The following CYP26B1 variants were observed in gnomAD, a reference collection of about 807,000 sequenced individuals.
The protein encoded by CYP26B1 is cytochrome P450 26B1.
In CYP26B1, 8 loss-of-function variants were observed where a neutral mutation model predicts 39.1. That is an observed-to-expected ratio of 0.20 (90% CI 0.12 to 0.37). The LOEUF is 0.37. Among genes scored for constraint, CYP26B1 ranks in the 10% least tolerant of loss-of-function variants. CYP26B1 has a pLI of 1.00. For synonymous variants in CYP26B1, 321 were observed against 314.3 expected (o/e 1.02, Z -0.23); for missense variants, 615 against 707.0 (o/e 0.87, Z 1.48).
At chr2:72,138,537 G>C (rs532668302) in intron 2 of CYP26B1, among the ~76,000 whole-genome samples, 23 of 152,312 alleles carry the variant, frequency 1.5e-4, no homozygotes, top group Non-Finnish European at 2.6e-4. Flanking sequence ...GTTTCCTTCT[G>C]GGGCTTCCCT....
chr2:72,143,481 A>C (rs1407057433), intron 2 of CYP26B1, among the ~76,000 whole-genome samples: 1 of 101,694 alleles, frequency 9.8e-6, no homozygotes, highest in Non-Finnish European at 1.8e-5. Context: ...GGCTCGCCGC[A>C]CCTCTCTGAC....
At chr2:72,143,326 G>A (rs1257435466) in intron 2 of CYP26B1, among the ~76,000 whole-genome samples, 1 of 152,020 alleles carries the variant, frequency 6.6e-6, no homozygotes, top group Non-Finnish European at 1.5e-5. Flanking sequence ...TCCTCCAGTC[G>A]CTCGGGAAAT....
At chr2:72,136,710 C>T (rs1676790190) in intron 2 of CYP26B1, among the ~76,000 whole-genome samples, 3 of 152,154 alleles carry the variant, frequency 2.0e-5, no homozygotes, top group South Asian at 4.1e-4. Context: ...TTTGGGGGTC[C>T]GAGGGAATTT....
chr2:72,144,126 C>A lies in CYP26B1; in HGVS notation c.292G>T (p.Gly98Cys). The change falls in exon 2 of 6, where the codon GGC becomes TGC. Residue 98 changes from glycine to cysteine, a missense_variant. By Grantham distance (159) the Gly-to-Cys change is radical. Transcript: ENST00000001146. ...LLGRPLIRVTGAENVRKILMG... is the reference protein window; with the variant it reads ...LLGRPLIRVTCAENVRKILMG... ...AGGATCTTGCGCACGTTCTCCGCGC[C>A]GGTCACGCGTATCAGCGGCCGCCCC... 6.2e-7 allele frequency: 1 copy of A among 1,611,336 alleles called. No homozygotes were observed. Among genetic ancestry groups the A allele is most frequent in the Non-Finnish European group, 8.5e-7 (1 of 1,177,700 alleles).
Position 72,144,400 on chromosome 2 carries a change from G to A in CYP26B1, c.205-187C>T, listed in dbSNP as rs1281879206. The A allele has an allele frequency of 1.2e-5, 17 of 1,410,638 alleles. No homozygotes were observed. The South Asian group carries it at 2.9e-4, about 24-fold the overall frequency. The allele number at this position is 1,410,638 out of a possible 1,614,324, so 87.4% of individuals were successfully genotyped here. ...CAAGAACTGCGAAGTAGGGCCTAGA[G>A]GATAATAAATAATGCAAGGAGGCGG... On this transcript the variant is annotated intron_variant, in intron 1 of 5. Transcript: ENST00000001146.
At chr2:72,146,016 C>A (rs1282091832) in intron 1 of CYP26B1, among the ~76,000 whole-genome samples, 1 of 152,166 alleles carries the variant, frequency 6.6e-6, no homozygotes, top group African/African-American at 2.4e-5. Flanking sequence ...ACACGTACCC[C>A]CTATTTCCCT....
chr2:72,142,458 C>A (rs1676970730), intron 2 of CYP26B1, among the ~76,000 whole-genome samples: 1 of 152,212 alleles, frequency 6.6e-6, no homozygotes, highest in Non-Finnish European at 1.5e-5. Context: ...CAGGCTCTCC[C>A]CGAAATTTTC....
chr2:72,138,253 C>T (rs1676834416), intron 2 of CYP26B1, among the ~76,000 whole-genome samples: 2 of 152,196 alleles, frequency 1.3e-5, no homozygotes, highest in Admixed American at 6.5e-5. Flanking sequence ...TGGGTCTGTG[C>T]CCGGGGGGTA....
chr2:72,141,196 C>CAGA (rs1676932591), intron 2 of CYP26B1, among the ~76,000 whole-genome samples: 1 of 152,184 alleles, frequency 6.6e-6, no homozygotes, highest in Admixed American at 6.5e-5. Context: ...CCCCATCCAT[C>CAGA]AGATACACCC....
chr2:72,141,140 G>A (rs993976173), intron 2 of CYP26B1, among the ~76,000 whole-genome samples: 2 of 152,020 alleles, frequency 1.3e-5, no homozygotes, highest in Non-Finnish European at 2.9e-5. Context: ...GCCCTTCTAC[G>A]GCAATACTCC....
Position 72,133,064 on chromosome 2 carries a change from A to T in CYP26B1, c.1105T>A (p.Ser369Thr). Residue 369 changes from serine (S) to threonine (T), a missense_variant, in exon 5 of 6, where the codon TCC (serine) becomes ACC (threonine). Physicochemically the swap from Ser to Thr is moderately conservative, Grantham distance 58. Transcript: ENST00000001146. The stretch of plus-strand genomic sequence containing the variant: ...TGCAGCACAGTGCGGTAGCCGCCGG[A>T]AATGGGCGTGAACAGGCGCATGACC... The part of the protein sequence containing the change: ...KEVMRLFTPI[S>T]GGYRTVLQTF... The T allele has an allele frequency of 6.2e-7, 1 of 1,613,274 alleles. No individual in the cohort carries two copies. Among genetic ancestry groups the T allele is most frequent in the Non-Finnish European group, 8.5e-7 (1 of 1,179,996 alleles).
chr2:72,145,264 A>G (rs1474442983), intron 1 of CYP26B1, among the ~76,000 whole-genome samples: 2 of 151,836 alleles, frequency 1.3e-5, no homozygotes, highest in Non-Finnish European at 2.9e-5. Context: ...CCTTTTTTCC[A>G]CAGAAAACTA....
In CYP26B1 at chr2:72,132,100, G is replaced by A; in HGVS notation, c.*127C>T. 3.6e-6 allele frequency: 4 copies of A among 1,116,694 alleles called. No individual in the cohort carries two copies. In the South Asian group the frequency reaches 4.6e-5, roughly 13 times the overall value. 69.2% of individuals were successfully genotyped at this position (1,116,694 alleles called of 1,614,324 possible). A position where few individuals can be genotyped will look rare whatever the true frequency, so the allele number is the denominator to read the frequency against. On this transcript the variant is annotated 3_prime_UTR_variant, in exon 6 of 6. Transcript: ENST00000001146. Reference sequence around the variant, plus strand: ...TTGGGTAGGGTTTGCCAGGGAGGGGGAGCAAGGGAGGGCAAGTATGGGGGC... The same window carrying A: ...TTGGGTAGGGTTTGCCAGGGAGGGGAAGCAAGGGAGGGCAAGTATGGGGGC...
At position 72,133,491 on chromosome 2, in the gene CYP26B1, G is replaced by A. The variant is rs148457832; in HGVS notation, c.862-184C>T. 4.6e-3 allele frequency among the ~76,000 whole-genome samples: 703 copies of A among 152,350 alleles called. 7 individuals carry two copies. Among genetic ancestry groups the A allele is most frequent in the African/African-American group, 0.016 (653 of 41,578 alleles). The stretch of plus-strand genomic sequence containing the variant: ...CATTAGTGTCACGATGGACACGGGG[G>A]TCACAGCCAGTCCCTAGCTGGGCAG... On this transcript the variant is annotated intron_variant, in intron 4 of 5. Coordinates refer to ENST00000001146, the MANE Select transcript of CYP26B1 (RefSeq NM_019885.4).
In CYP26B1 at chr2:72,135,354, G is replaced by A. The variant is rs1471297626; in HGVS notation, c.495C>T (p.Ile165=). 1.9e-6 allele frequency: 3 copies of A among 1,613,882 alleles called. No individual in the cohort carries two copies. Among genetic ancestry groups the A allele is most frequent in the Admixed American group, 3.3e-5 (2 of 60,018 alleles). Residue 165 remains isoleucine, a synonymous_variant, in exon 3 of 6, where the codon ATC becomes ATT. Transcript: ENST00000001146. The part of the protein sequence containing the change: ...ESYLPKIQLV[I]QDTLRAWSSH... ...TGCTCCAGGCGCGCAGTGTGTCCTG[G>A]ATCACCAGCTGGATCTTGGGCAGGT...
intron 1 of CYP26B1, among the ~76,000 whole-genome samples, chr2:72,145,495 C>G (rs567067201): frequency 6.6e-6 from 1 of 152,214 alleles, no homozygotes; most frequent in South Asian, 2.1e-4. Flanking sequence ...CCCTTCTAGA[C>G]GGCGTCTACC....
chr2:72,132,323 G>T lies in CYP26B1; in HGVS notation c.1443C>A (p.His481Gln), dbSNP rs781553628. The change falls in exon 6 of 6, where the codon CAC becomes CAA. Residue 481 changes from histidine to glutamine, a missense_variant. Coordinates refer to ENST00000001146, the MANE Select transcript of CYP26B1 (RefSeq NM_019885.4). Reference sequence around the variant, plus strand: ...ACTTGACGCTGAGGCCATCCACGGGGTGCAGGACGGGGACCAAGGTGATGC... The same window carrying T: ...ACTTGACGCTGAGGCCATCCACGGGTTGCAGGACGGGGACCAAGGTGATGC... Reference protein sequence around the residue: ...FPRITLVPVLHPVDGLSVKFF... With the variant: ...FPRITLVPVLQPVDGLSVKFF... 79 of 1,609,880 alleles carry T rather than the reference G, an allele frequency of 4.9e-5. 1 individual carries two copies. Among genetic ancestry groups the T allele is most frequent in the Middle Eastern group, 3.3e-4 (2 of 6,082 alleles).
intron 5 of CYP26B1, 145 bp from the exon 6 acceptor site, chr2:72,132,764 G>A (rs1024153675): frequency 4.1e-6 from 6 of 1,451,824 alleles, no homozygotes; most frequent in African/African-American, 1.4e-5. Context: ...CCAAGGCCTG[G>A]CCAGCCTGCC....
intron 2 of CYP26B1, among the ~76,000 whole-genome samples, chr2:72,142,040 C>T (rs975383843): frequency 1.4e-4 from 21 of 152,282 alleles, no homozygotes; most frequent in Admixed American, 1.3e-3. Context: ...GGAGCCATCG[C>T]GCCTCAGCCA....
Sources: gnomAD v4.1 joint callset for allele counts (sites outside exome capture counted in the v4.1 genomes callset) on GRCh38, gnomAD v4.1.1 for gene constraint, MANE v1.5 for transcripts, NCBI Gene and HGNC (gene_info 2026-07-23, HGNC 2026-07-21) for gene names.